ELOVL2: variants seen among roughly 807,000 people sequenced by gnomAD.
ELOVL2 encodes ELOVL fatty acid elongase 2, also known as very long chain fatty acid elongase 2.
Under a neutral mutation model 37.7 loss-of-function variants are expected in ELOVL2, and 38 were observed. The ratio of observed to expected loss-of-function variants is 1.01; its 90% CI spans 0.78 to 1.32. ELOVL2 has a LOEUF of 1.32. Ranked by LOEUF, ELOVL2 falls within the 40% of genes most tolerant of loss-of-function variation. The probability of loss-of-function intolerance (pLI) is 0.00; values close to 1 mark genes in which losing one functional copy is unlikely to be tolerated. For missense variants in ELOVL2, 352 were observed against 363.6 expected (o/e 0.97, Z 0.26); for synonymous variants, 115 against 122.3 (o/e 0.94, Z 0.40).
rs114015990 is a variant in ELOVL2, at chr6:11,036,761, C to G, written c.3+7467G>C. Among the ~76,000 whole-genome samples, 51 of 152,328 alleles carry G rather than the reference C, an allele frequency of 3.3e-4. 1 individual carries two copies. The highest frequency in any genetic ancestry group is 1.2e-3 in the African/African-American group (49 of 41,568). ...GGTATTGGCTTCCTGTTTGTCCCAGCATGCCTTGGAGAACACTCTGCATAG... is the reference window on the plus strand; with the variant it reads ...GGTATTGGCTTCCTGTTTGTCCCAGGATGCCTTGGAGAACACTCTGCATAG... On this transcript the variant is annotated intron_variant, in intron 1 of 7. Transcript: ENST00000354666.
chr6:11,034,424 T>C (rs754948697), intron 1 of ELOVL2, among the ~76,000 whole-genome samples: 1 of 148,758 alleles, frequency 6.7e-6, no homozygotes, highest in African/African-American at 2.4e-5. Context: ...GGCTCACGCC[T>C]GTAATCCCAG....
At chr6:11,037,094 G>C (rs1390441869) in intron 1 of ELOVL2, among the ~76,000 whole-genome samples, 1 of 148,028 alleles carries the variant, frequency 6.8e-6, no homozygotes, top group East Asian at 2.0e-4. Flanking sequence ...GAGACAGAGA[G>C]GTAGAGAGGG....
intron 2 of ELOVL2, among the ~76,000 whole-genome samples, chr6:11,007,725 A>C (rs185574802): frequency 1.3e-5 from 2 of 152,290 alleles, no homozygotes; most frequent in East Asian, 3.9e-4. Flanking sequence ...CTCCCCAACT[A>C]TAGTACATGC....
In ELOVL2 at chr6:10,989,699, G is replaced by C. The variant is rs73723618; in HGVS notation, c.765+4C>G. 6.2e-7 allele frequency: 1 copy of C among 1,612,608 alleles called. No individual in the cohort carries two copies. Among genetic ancestry groups the C allele is most frequent in the Non-Finnish European group, 8.5e-7 (1 of 1,178,954 alleles). ...TTACTGCTGAATATTTACATTCCACGTACCTGAACGTAAAAATTTAAGAAG... is the reference window on the plus strand; with the variant it reads ...TTACTGCTGAATATTTACATTCCACCTACCTGAACGTAAAAATTTAAGAAG... On this transcript the variant is annotated splice_donor_region_variant and intron_variant, in intron 7 of 7. Transcript: ENST00000354666.
intron 4 of ELOVL2, among the ~76,000 whole-genome samples, chr6:10,997,499 G>C (rs1157589219): frequency 1.3e-5 from 2 of 152,044 alleles, no homozygotes; most frequent in Non-Finnish European, 2.9e-5. Context: ...GGTTTGAAAT[G>C]GTTTTTAAGT....
rs1029567955 is a variant in ELOVL2 at position 10,995,149 on chromosome 6, G to T, written c.363C>A (p.Phe121Leu). The T allele has an allele frequency of 2.5e-6, 4 of 1,612,070 alleles. No homozygotes were observed. In the African/African-American group the frequency reaches 5.3e-5, roughly 22 times the overall value. ...TGTCCAGGAACTCTACTGATTTGGA[G>T]AAATAGTACCACCAAAGCACCTTGG... ...RVAKVLWWYYFSKSVEFLDTI... is the reference protein window; with the variant it reads ...RVAKVLWWYYLSKSVEFLDTI... The change falls in exon 5 of 8, where the codon TTC (phenylalanine) becomes TTA (leucine). Residue 121 changes from phenylalanine (F) to leucine (L), a missense_variant. Coordinates refer to ENST00000354666, the MANE Select transcript of ELOVL2 (RefSeq NM_017770.4).
intron 6 of ELOVL2, 76 bp downstream of exon 6, chr6:10,990,242 C>T: frequency 6.4e-7 from 1 of 1,559,834 alleles, no homozygotes; most frequent in Non-Finnish European, 8.6e-7. Context: ...AAAAAGCCCT[C>T]TGACTTCTAA....
intron 7 of ELOVL2, among the ~76,000 whole-genome samples, chr6:10,988,026 C>T (rs941066458): frequency 1.1e-4 from 17 of 152,176 alleles, no homozygotes; most frequent in Non-Finnish European, 1.8e-4. Flanking sequence ...CTGGGCTATA[C>T]GCTTCTCTTC....
intron 1 of ELOVL2, among the ~76,000 whole-genome samples, chr6:11,026,609 A>G (rs1482129162): frequency 1.3e-5 from 2 of 152,124 alleles, no homozygotes; most frequent in African/African-American, 4.8e-5. Flanking sequence ...GTTTCACTCG[A>G]CTAACTAGGA....
intron 1 of ELOVL2, among the ~76,000 whole-genome samples, chr6:11,038,632 T>C (rs902281083): frequency 2.0e-5 from 3 of 152,196 alleles, no homozygotes; most frequent in Non-Finnish European, 4.4e-5. Flanking sequence ...GAAATACATA[T>C]GCATTTTAAT....
At chr6:11,017,632 G>T (rs185073351) in intron 1 of ELOVL2, among the ~76,000 whole-genome samples, 1 of 152,280 alleles carries the variant, frequency 6.6e-6, no homozygotes, top group East Asian at 1.9e-4. Flanking sequence ...TGGCCAAATG[G>T]TAACTCCTTA....
In ELOVL2 at chr6:10,990,354, A is replaced by T; in HGVS notation, c.594T>A (p.Tyr198Ter). Reference protein sequence around the residue: ...GLSVFPSMHKYLWWKKYLTQA... With the variant: ...GLSVFPSMHK ...GTGTGAGATATTTCTTCCACCAAAG[A>T]TACTTGTGCATAGATGGAAACACAG... Residue 198 changes from tyrosine (Y) to a stop codon, truncating the protein, a stop_gained, in exon 6 of 8, where the codon TAT becomes TAA. Coordinates refer to ENST00000354666, the MANE Select transcript of ELOVL2 (RefSeq NM_017770.4). LOFTEE classifies it high-confidence loss of function. 2 of 1,613,076 alleles carry T rather than the reference A, an allele frequency of 1.2e-6. No homozygotes were observed. The highest frequency in any genetic ancestry group is 2.2e-5 in the East Asian group (1 of 44,812).
intron 5 of ELOVL2, among the ~76,000 whole-genome samples, chr6:10,992,485 T>C (rs1246441500): frequency 6.6e-6 from 1 of 152,254 alleles, no homozygotes; most frequent in Admixed American, 6.5e-5. Context: ...AGAATTGTCA[T>C]CAACTCTTTG....
At chr6:10,989,568 GGCGGAGGTT>G in intron 7 of ELOVL2, 126 bp downstream of exon 7, 1 of 765,240 alleles carries the variant, frequency 1.3e-6, no homozygotes. Flanking sequence ...GAACCCAGAA[GGCGGAGGTT>G]GCAGTGAGCT....
At position 10,995,127 on chromosome 6, in the gene ELOVL2, C is replaced by G. The variant is rs765604632; in HGVS notation, c.385G>C (p.Asp129His). 1.2e-6 allele frequency: 2 copies of G among 1,613,292 alleles called. No individual in the cohort carries two copies. The highest frequency in any genetic ancestry group is 1.7e-5 in the Admixed American group (1 of 59,956). Residue 129 changes from aspartate (D) to histidine (H), a missense_variant, in exon 5 of 8, where the codon GAC becomes CAC. By Grantham distance (81) the Asp-to-His change is moderately conservative (BLOSUM62 -1). Transcript: ENST00000354666. ...YYFSKSVEFLDTIFFVLRKKT... is the reference protein window; with the variant it reads ...YYFSKSVEFLHTIFFVLRKKT... ...TTCCGCAAAACGAAGAAAATTGTGT[C>G]CAGGAACTCTACTGATTTGGAGAAA...
intron 1 of ELOVL2, among the ~76,000 whole-genome samples, chr6:11,020,570 T>C (rs1261751200): frequency 1.3e-5 from 2 of 152,148 alleles, no homozygotes; most frequent in African/African-American, 4.8e-5. Flanking sequence ...GTCCTTTAGC[T>C]CTTTAGTTAC....
intron 1 of ELOVL2, among the ~76,000 whole-genome samples, chr6:11,041,948 G>A (rs1238149338): frequency 1.3e-5 from 2 of 152,020 alleles, no homozygotes; most frequent in Non-Finnish European, 2.9e-5. Context: ...TCTCTGAACT[G>A]ACCCACTAAG....
At chr6:11,015,536 A>G (rs994388713) in intron 1 of ELOVL2, 1 of 153,078 alleles carries the variant, frequency 6.5e-6, no homozygotes, top group Non-Finnish European at 1.5e-5. Context: ...AGTGTGGCCT[A>G]ATATCCAGGG....
chr6:11,042,876 G>A (rs1783123832), intron 1 of ELOVL2, among the ~76,000 whole-genome samples: 1 of 152,128 alleles, frequency 6.6e-6, no homozygotes. Flanking sequence ...CCTACTGTGC[G>A]CCAGGCACTG....
Sources: allele counts gnomAD v4.1 joint callset (sites outside exome capture counted in the v4.1 genomes callset), GRCh38; gene constraint gnomAD v4.1.1; transcripts MANE v1.5; gene names NCBI Gene and HGNC (gene_info 2026-07-23, HGNC 2026-07-21).